The following NUAK2 variants were observed in gnomAD, a reference collection of about 807,000 sequenced individuals.
The protein encoded by NUAK2 is NUAK family kinase 2.
Under a neutral mutation model 29.8 loss-of-function variants are expected in NUAK2, and 20 were observed. That is an observed-to-expected ratio of 0.67 (90% CI 0.47 to 0.98). The LOEUF (loss-of-function observed/expected upper bound fraction) is 0.98, where lower values mean the gene tolerates loss of function less well. Among genes scored for constraint, NUAK2 ranks in the 50% least tolerant of loss-of-function variants. The probability of loss-of-function intolerance (pLI) is 0.00; values close to 1 mark genes in which losing one functional copy is unlikely to be tolerated. For synonymous variants in NUAK2, 331 were observed against 342.6 expected (o/e 0.97, Z 0.37); for missense variants, 719 against 834.5 (o/e 0.86, Z 1.71).
chr1:205,307,131 C>T (rs1662193527), intron 4 of NUAK2, among the ~76,000 whole-genome samples: 1 of 152,186 alleles, frequency 6.6e-6, no homozygotes, highest in Non-Finnish European at 1.5e-5. Context: ...CCCACCTATC[C>T]TCAGTTAGAG....
chr1:205,320,013 T>C (rs1662388093), intron 1 of NUAK2, among the ~76,000 whole-genome samples: 1 of 152,078 alleles, frequency 6.6e-6, no homozygotes, highest in African/African-American at 2.4e-5. Context: ...AACCACCTGC[T>C]CTAAAAGGCT....
At position 205,304,952 on chromosome 1, in the gene NUAK2, G is replaced by C. The variant is rs1662158396; in HGVS notation, c.823+247C>G. 6.6e-6 allele frequency among the ~76,000 whole-genome samples: 1 copy of C among 152,192 alleles called. No homozygotes were observed. The highest frequency in any genetic ancestry group is 2.4e-5 in the African/African-American group (1 of 41,448). On this transcript the variant is annotated intron_variant, in intron 6 of 6. Transcript: ENST00000367157. The surrounding 1 kb of genome is among the most constrained non-coding windows in gnomAD (Gnocchi z 6.5). Reference sequence around the variant, plus strand: ...GAAATGAGACAACTGTAGCAAAGAAGATCTAAGTGAGACCTTAGGAACCAC... The same window carrying C: ...GAAATGAGACAACTGTAGCAAAGAACATCTAAGTGAGACCTTAGGAACCAC...
intron 2 of NUAK2, among the ~76,000 whole-genome samples, chr1:205,309,903 G>T (rs1270513433): frequency 6.6e-6 from 1 of 152,218 alleles, no homozygotes; most frequent in Non-Finnish European, 1.5e-5. Flanking sequence ...CCTCATCCCA[G>T]CTGGCTCATC....
At position 205,303,576 on chromosome 1, in the gene NUAK2, G is replaced by T; in HGVS notation, c.1761C>A (p.Gly587=). 6.2e-7 allele frequency: 1 copy of T among 1,613,424 alleles called. No homozygotes were observed. The change falls in exon 7 of 7, where the codon GGC becomes GGA. Residue 587 remains glycine, a synonymous_variant. Transcript: ENST00000367157. ...LTGLEEPPSE[G]PGSCLRRWRQ... is the part of the protein sequence containing the mutation. ...GCCAGCGCCTCAGGCAGCTTCCAGG[G>T]CCCTCTGAGGGGGGCTCCTCAAGCC...
In NUAK2 at chr1:205,304,147, T is replaced by C. The variant is rs1007714460; in HGVS notation, c.1190A>G (p.His397Arg). ...LHSDTADDTAHRPGKSNLKLP... is the reference protein window; with the variant it reads ...LHSDTADDTARRPGKSNLKLP... The stretch of plus-strand genomic sequence containing the variant: ...CTTGAGGTTGCTCTTGCCAGGGCGA[T>C]GGGCAGTGTCATCAGCCGTGTCACT... The change falls in exon 7 of 7, where the codon CAT becomes CGT. Residue 397 changes from histidine to arginine, a missense_variant. Coordinates refer to ENST00000367157, the MANE Select transcript of NUAK2 (RefSeq NM_030952.3). The surrounding 1 kb of genome is among the most constrained non-coding windows in gnomAD (Gnocchi z 6.5). 6.8e-6 allele frequency: 11 copies of C among 1,614,066 alleles called. No individual in the cohort carries two copies. In the African/African-American group the frequency reaches 1.1e-4, roughly 16 times the overall value.
chr1:205,306,880 T>C (rs372871889), intron 4 of NUAK2, among the ~76,000 whole-genome samples: 76 of 152,292 alleles, frequency 5.0e-4, no homozygotes, highest in African/African-American at 1.8e-3. Flanking sequence ...AAGCAAGCCC[T>C]ATAACCAATG....
intron 1 of NUAK2, among the ~76,000 whole-genome samples, chr1:205,313,951 G>C (rs1662289811): frequency 6.6e-6 from 1 of 152,224 alleles, no homozygotes; most frequent in Non-Finnish European, 1.5e-5. Flanking sequence ...CAATTTCCCA[G>C]GAGGGTTTGC....
At position 205,319,074 on chromosome 1, in the gene NUAK2, C is replaced by G. The variant is rs185890792; in HGVS notation, c.231+2324G>C. Among the ~76,000 whole-genome samples, 47 of 149,432 alleles carry G rather than the reference C, an allele frequency of 3.1e-4. No homozygotes were observed. In the East Asian group the frequency reaches 9.2e-3, roughly 29 times the overall value. ...AAGTATCCTGAGGCACTAGGTCTCT[C>G]TCGATTCACGAAGGACAGTCAAGAG... On this transcript the variant is annotated intron_variant, in intron 1 of 6. Transcript: ENST00000367157.
intron 1 of NUAK2, among the ~76,000 whole-genome samples, chr1:205,316,939 C>G (rs1226554131): frequency 6.6e-6 from 1 of 152,204 alleles, no homozygotes; most frequent in Non-Finnish European, 1.5e-5. Flanking sequence ...CACAACACAT[C>G]AAGACACAAT....
Position 205,306,200 on chromosome 1 carries a change from G to A in NUAK2, c.678C>T (p.Tyr226=). The change falls in exon 5 of 7, where the codon TAC becomes TAT. Residue 226 remains tyrosine (Y), a synonymous_variant. Coordinates refer to ENST00000367157, the MANE Select transcript of NUAK2 (RefSeq NM_030952.3). ...GGTGGCCACTTACCTCTGGGCCTGT[G>A]TAGGGCTTCCCATTGACAATCTCTG... ...ASPEIVNGKP[Y]TGPEVDSWSL... 6.2e-7 allele frequency: 1 copy of A among 1,613,094 alleles called. No homozygotes were observed. The highest frequency in any genetic ancestry group is 8.5e-7 in the Non-Finnish European group (1 of 1,179,368).
chr1:205,303,589 G>C lies in NUAK2; in HGVS notation c.1748C>G (p.Pro583Arg). The C allele has an allele frequency of 2.5e-6, 4 of 1,613,070 alleles. No homozygotes were observed. The highest frequency in any genetic ancestry group is 3.4e-6 in the Non-Finnish European group (4 of 1,179,772). ...GCAGCTTCCAGGGCCCTCTGAGGGG[G>C]GCTCCTCAAGCCCCGTGAGGTTGTC... The part of the protein sequence containing the change: ...SVDNLTGLEE[P>R]PSEGPGSCLR... The change falls in exon 7 of 7, where the codon CCC becomes CGC. Residue 583 changes from proline (P) to arginine (R), a missense_variant. Physicochemically the swap from Pro to Arg is moderately radical, Grantham distance 103. Coordinates refer to ENST00000367157, the MANE Select transcript of NUAK2 (RefSeq NM_030952.3).
Position 205,303,723 on chromosome 1 carries a change from T to G in NUAK2, c.1614A>C (p.Arg538=). The change falls in exon 7 of 7, where the codon CGA becomes CGC. Residue 538 remains arginine (R), a synonymous_variant. Transcript: ENST00000367157. ...TGTCCTCGCTCACAGCCCCTGAGGG[T>G]CGGCTGGCCCGGGCCAGGGGGCGAG... ...APPRPLARAS[R]PSGAVSEDSI... is the part of the protein sequence containing the mutation. 6.5e-7 allele frequency: 1 copy of G among 1,537,098 alleles called. No homozygotes were observed. The highest frequency in any genetic ancestry group is 8.7e-7 in the Non-Finnish European group (1 of 1,143,526).
intron 4 of NUAK2, among the ~76,000 whole-genome samples, chr1:205,307,503 G>C (rs1662198855): frequency 6.6e-6 from 1 of 152,154 alleles, no homozygotes; most frequent in Non-Finnish European, 1.5e-5. Flanking sequence ...ACTATGTCCT[G>C]GGTTCAGGAA....
intron 4 of NUAK2, 150 bp from the exon 5 acceptor site, chr1:205,306,457 T>C: frequency 1.0e-6 from 1 of 964,314 alleles, no homozygotes; most frequent in Non-Finnish European, 1.5e-6. Context: ...CTGAGCACTG[T>C]CAGCATAGCT....
intron 2 of NUAK2, among the ~76,000 whole-genome samples, chr1:205,309,976 A>C (rs1167682657): frequency 6.6e-6 from 1 of 152,194 alleles, no homozygotes; most frequent in African/African-American, 2.4e-5. Context: ...TGGTTCACCA[A>C]ACTGGCCCTT....
chr1:205,311,870 G>T (rs1558674806), intron 1 of NUAK2, 45 bp from the exon 2 acceptor site: 1 of 1,610,038 alleles, frequency 6.2e-7, no homozygotes, highest in East Asian at 2.2e-5. Flanking sequence ...TTTGGCAGAG[G>T]ACACTCTGGG....
chr1:205,313,076 T>A (rs768753071), intron 1 of NUAK2, among the ~76,000 whole-genome samples: 1 of 151,766 alleles, frequency 6.6e-6, no homozygotes, highest in Non-Finnish European at 1.5e-5. Context: ...GGAGGGGAAA[T>A]GGGGAGGTGT....
chr1:205,310,577 A>ACACACACATGCACACG (rs1558674226), intron 2 of NUAK2, among the ~76,000 whole-genome samples: 5 of 152,156 alleles, frequency 3.3e-5, no homozygotes, highest in Admixed American at 2.0e-4. Flanking sequence ...GGCACAATTC[A>ACACACACATGCACACG]CACACACATG....
At chr1:205,307,579 G>A (rs538321967) in intron 4 of NUAK2, among the ~76,000 whole-genome samples, 1 of 152,250 alleles carries the variant, frequency 6.6e-6, no homozygotes, top group Non-Finnish European at 1.5e-5. Flanking sequence ...GCCTCCCTGT[G>A]CCATGTCCTT....
Sources: gnomAD v4.1 joint callset for allele counts (sites outside exome capture counted in the v4.1 genomes callset) on GRCh38, gnomAD v4.1.1 for gene constraint, Gnocchi (gnomAD v3.1) non-coding constraint, MANE v1.5 for transcripts, NCBI Gene and HGNC (gene_info 2026-07-23, HGNC 2026-07-21) for gene names.